The following NNT variants were observed in gnomAD, a reference collection of about 807,000 sequenced individuals.
NNT encodes the protein nicotinamide nucleotide transhydrogenase, also known as NAD(P) transhydrogenase, mitochondrial.
In NNT, 50 loss-of-function variants were observed where a neutral mutation model predicts 104.8. That is an observed-to-expected ratio of 0.48 (90% confidence interval 0.38 to 0.60). The LOEUF (loss-of-function observed/expected upper bound fraction) is 0.60, where lower values mean the gene tolerates loss of function less well. Among genes scored for constraint, NNT ranks in the 20% least tolerant of loss-of-function variants. The pLI is 0.00. For missense variants in NNT, 1,131 were observed against 1,330.7 expected (o/e 0.85, Z 2.33); for synonymous variants, 461 against 490.4 (o/e 0.94, Z 0.79).
Position 43,651,974 on chromosome 5 carries a change from C to G in NNT, c.1863+90C>G, listed in dbSNP as rs997401449. On this transcript the variant is annotated intron_variant, in intron 13 of 21. Coordinates refer to ENST00000344920, the MANE Select transcript of NNT (RefSeq NM_182977.3). ...TGTTAGTTATCCTAATTCAAAGTATCGAGCAAATACAACTCTGTCAAGCAA... is the reference window on the plus strand; with the variant it reads ...TGTTAGTTATCCTAATTCAAAGTATGGAGCAAATACAACTCTGTCAAGCAA... 2.2e-6 allele frequency: 3 copies of G among 1,353,234 alleles called. No individual in the cohort carries two copies. In the African/African-American group the frequency reaches 4.3e-5, roughly 20 times the overall value. The allele number at this position is 1,353,234 out of a possible 1,614,324, so 83.8% of individuals were successfully genotyped here. A position where few individuals can be genotyped will look rare whatever the true frequency, so the allele number is the denominator to read the frequency against.
At chr5:43,685,163 A>T (rs1469982592) in intron 19 of NNT, among the ~76,000 whole-genome samples, 1 of 152,200 alleles carries the variant, frequency 6.6e-6, no homozygotes, top group Non-Finnish European at 1.5e-5. Flanking sequence ...ATTTATAAAT[A>T]TTTATAGTTT....
At chr5:43,607,788 T>C (rs1402141571) in intron 1 of NNT, among the ~76,000 whole-genome samples, 1 of 152,106 alleles carries the variant, frequency 6.6e-6, no homozygotes, top group Non-Finnish European at 1.5e-5. Flanking sequence ...TTTCTCCCTC[T>C]GGAGTCTGGA....
intron 20 of NNT, among the ~76,000 whole-genome samples, chr5:43,701,229 A>G (rs1278339223): frequency 6.6e-6 from 1 of 152,052 alleles, no homozygotes; most frequent in African/African-American, 2.4e-5. Flanking sequence ...CCTTGCCCAT[A>G]TCCCTCACTC....
intron 19 of NNT, among the ~76,000 whole-genome samples, chr5:43,695,113 G>T (rs918079921): frequency 3.9e-5 from 6 of 152,118 alleles, no homozygotes; most frequent in Non-Finnish European, 8.8e-5. Context: ...AAGAATATCT[G>T]TCATTTGATG....
Position 43,607,704 on chromosome 5 carries a change from G to A in NNT, c.-53-1439G>A, listed in dbSNP as rs538123475. Reference sequence around the variant, plus strand: ...CTGAACTCAGGCAACGCCTCCCAAAGTGCTAGGATTACAGGCATGAGCCAC... The same window carrying A: ...CTGAACTCAGGCAACGCCTCCCAAAATGCTAGGATTACAGGCATGAGCCAC... On this transcript the variant is annotated intron_variant, in intron 1 of 21. Transcript: ENST00000344920. Among the ~76,000 whole-genome samples, 51 of 152,314 alleles carry A rather than the reference G, an allele frequency of 3.3e-4. No homozygotes were observed. In the South Asian group the frequency reaches 5.6e-3, roughly 17 times the overall value.
In NNT at chr5:43,616,068, A is replaced by G; in HGVS notation, c.599+3A>G. On this transcript the variant is annotated splice_donor_region_variant and intron_variant, in intron 4 of 21. Transcript: ENST00000344920. ...AGCTCCATGGCCAACATTGCGGGGT[A>G]GGTTCTTTTCCATTTCAATTGAACA... is the stretch of plus-strand genomic sequence containing the variant. 2 of 1,611,478 alleles carry G rather than the reference A, an allele frequency of 1.2e-6. No homozygotes were observed. The highest frequency in any genetic ancestry group is 1.7e-6 in the Non-Finnish European group (2 of 1,178,760).
Position 43,676,768 on chromosome 5 carries a change from G to T in NNT, c.2795-957G>T, listed in dbSNP as rs183960285. ...TAGGTAGATCAGTAATGCAAGGTGG[G>T]TTATGATAAGGGCTAAACTGAACTA... is the stretch of plus-strand genomic sequence containing the variant. On this transcript the variant is annotated intron_variant, in intron 18 of 21. Transcript: ENST00000344920. 2.3e-3 allele frequency among the ~76,000 whole-genome samples: 350 copies of T among 152,234 alleles called. 2 individuals are homozygous for T. The highest frequency in any genetic ancestry group is 2.2e-3 in the Non-Finnish European group (151 of 68,012).
At chr5:43,611,737 C>T (rs566477279) in intron 2 of NNT, among the ~76,000 whole-genome samples, 5 of 152,206 alleles carry the variant, frequency 3.3e-5, no homozygotes, top group Admixed American at 2.0e-4. Context: ...TGAAATTATA[C>T]ATATTCAGAT....
At chr5:43,669,868 T>C (rs1476196341) in intron 17 of NNT, among the ~76,000 whole-genome samples, 14 of 152,104 alleles carry the variant, frequency 9.2e-5, no homozygotes, top group Admixed American at 9.2e-4. Context: ...ACCAGCTCCT[T>C]CTTGTACCTC....
chr5:43,677,120 T>C (rs550686478), intron 18 of NNT, among the ~76,000 whole-genome samples: 47 of 151,468 alleles, frequency 3.1e-4, no homozygotes, highest in African/African-American at 9.7e-5. Flanking sequence ...AAATTTGAGG[T>C]GAAGATGGGA....
intron 17 of NNT, among the ~76,000 whole-genome samples, chr5:43,670,493 A>C (rs947513187): frequency 4.7e-4 from 72 of 152,096 alleles, no homozygotes; most frequent in Non-Finnish European, 8.7e-4. Flanking sequence ...CTTTGTTCTC[A>C]TTGGTTTCAA....
intron 18 of NNT, 122 bp downstream of exon 18, chr5:43,675,792 A>G (rs1426690669): frequency 5.6e-6 from 4 of 720,692 alleles, no homozygotes; most frequent in South Asian, 5.5e-5. Flanking sequence ...AATGGAAACA[A>G]TAGCAAATCT....
chr5:43,676,251 T>C (rs544762298), intron 18 of NNT, among the ~76,000 whole-genome samples: 5 of 152,238 alleles, frequency 3.3e-5, no homozygotes, highest in Non-Finnish European at 7.3e-5. Context: ...TTCTGAGTTT[T>C]AGCTCAGTTC....
intron 7 of NNT, among the ~76,000 whole-genome samples, chr5:43,632,397 A>T (rs575684154): frequency 6.6e-6 from 1 of 152,364 alleles, no homozygotes; most frequent in South Asian, 2.1e-4. Flanking sequence ...GTAAGTAACT[A>T]GTTTCAGGGA....
At chr5:43,688,324 GC>G (rs907331165) in intron 19 of NNT, among the ~76,000 whole-genome samples, 3 of 151,998 alleles carry the variant, frequency 2.0e-5, no homozygotes, top group African/African-American at 7.3e-5. Context: ...GGGTGATGTA[GC>G]CCCCCCACCA....
At chr5:43,616,136 C>T in intron 4 of NNT, 71 bp downstream of exon 4, 1 of 1,195,072 alleles carries the variant, frequency 8.4e-7, no homozygotes, top group African/African-American at 1.5e-5. Flanking sequence ...TGTAGCTCTT[C>T]TGTCTTACAG....
rs1246101865 is a variant in NNT, at chr5:43,649,143, C to T, written c.1445-4C>T. The T allele has an allele frequency of 2.5e-6, 4 of 1,614,018 alleles. No homozygotes were observed. Among genetic ancestry groups the T allele is most frequent in the Non-Finnish European group, 3.4e-6 (4 of 1,179,936 alleles). On this transcript the variant is annotated splice_region_variant and splice_polypyrimidine_tract_variant and intron_variant, in intron 10 of 21. Transcript: ENST00000344920. The stretch of plus-strand genomic sequence containing the variant: ...CAAACACACTCTTTACTCTCTTTCT[C>T]TAGGTCTCACAGGGATACTGGGTTT...
intron 19 of NNT, among the ~76,000 whole-genome samples, chr5:43,693,045 T>TA (rs35124468): frequency 0.037 from 5,658 of 152,174 alleles, 212 homozygotes; most frequent in East Asian, 0.2. Flanking sequence ...TTTATTTATT[T>TA]TTTTTTTCTG....
At chr5:43,672,357 C>T (rs1454802460) in intron 17 of NNT, among the ~76,000 whole-genome samples, 5 of 152,190 alleles carry the variant, frequency 3.3e-5, no homozygotes, top group South Asian at 2.1e-4. Flanking sequence ...GGGGGAGAGG[C>T]GCTCTGATTT....
Sources: allele counts gnomAD v4.1 joint callset (sites outside exome capture counted in the v4.1 genomes callset), GRCh38; gene constraint gnomAD v4.1.1; transcripts MANE v1.5; gene names NCBI Gene and HGNC (gene_info 2026-07-23, HGNC 2026-07-21).